Variants in TTLL5 observed in about 807,000 individuals in gnomAD.
The protein encoded by TTLL5 is tubulin tyrosine ligase like 5, also known as tubulin polyglutamylase TTLL5.
In TTLL5, 132 loss-of-function variants were observed where a neutral mutation model predicts 168.4. The ratio of observed to expected loss-of-function variants is 0.78; its 90% CI spans 0.68 to 0.91. TTLL5 has a LOEUF of 0.91. Among genes scored for constraint, TTLL5 ranks in the 40% least tolerant of loss-of-function variants. The pLI is 0.00. For synonymous variants in TTLL5, 546 were observed against 558.6 expected (o/e 0.98, Z 0.32); for missense variants, 1,545 against 1,581.5 (o/e 0.98, Z 0.39).
intron 15 of TTLL5, among the ~76,000 whole-genome samples, chr14:75,740,200 T>C (rs1446347733): frequency 1.2e-4 from 19 of 152,198 alleles, no homozygotes; most frequent in Admixed American, 1.2e-3. Context: ...ATTGCTATAG[T>C]TCCCCTTTTA....
intron 11 of TTLL5, 58 bp from the exon 12 acceptor site, chr14:75,720,538 A>G: frequency 8.1e-7 from 1 of 1,238,982 alleles, no homozygotes. Context: ...TCTGGAATCC[A>G]GTTCATAATC....
At chr14:75,787,579 T>C (rs1046896763) in intron 26 of TTLL5, among the ~76,000 whole-genome samples, 2 of 152,212 alleles carry the variant, frequency 1.3e-5, no homozygotes, top group South Asian at 4.1e-4. Flanking sequence ...CATACTTCTA[T>C]TAATTATTAA....
Position 75,902,860 on chromosome 14 carries a change from C to G in TTLL5, c.3823+636C>G, listed in dbSNP as rs568747836. On this transcript the variant is annotated intron_variant, in intron 31 of 31. Transcript: ENST00000298832. Reference sequence around the variant, plus strand: ...ACAAATATTTATTATTGAGTACCTACTCTAGAGAAAATAACATGCTGGGCA... The same window carrying G: ...ACAAATATTTATTATTGAGTACCTAGTCTAGAGAAAATAACATGCTGGGCA... Among the ~76,000 whole-genome samples, 10 of 152,304 alleles carry G rather than the reference C, an allele frequency of 6.6e-5. No individual in the cohort carries two copies. The South Asian group carries it at 8.3e-4, about 13-fold the overall frequency.
chr14:75,821,853 C>A (rs1894851213), intron 28 of TTLL5, among the ~76,000 whole-genome samples: 1 of 152,160 alleles, frequency 6.6e-6, no homozygotes, highest in Non-Finnish European at 1.5e-5. Flanking sequence ...ACAAAGTCCC[C>A]TGGTCTTTTC....
intron 31 of TTLL5, among the ~76,000 whole-genome samples, chr14:75,950,161 G>A (rs1262336565): frequency 6.6e-6 from 1 of 152,218 alleles, no homozygotes; most frequent in Non-Finnish European, 1.5e-5. Flanking sequence ...ACACATTGCG[G>A]TTAGAAGAGG....
chr14:75,694,360 A>G (rs1885676336), intron 6 of TTLL5, among the ~76,000 whole-genome samples: 1 of 151,958 alleles, frequency 6.6e-6, no homozygotes, highest in Non-Finnish European at 1.5e-5. Flanking sequence ...TTTTTTTGAG[A>G]CAGTCTTACT....
Position 75,830,613 on chromosome 14 carries a change from C to T in TTLL5, c.3326+10452C>T, listed in dbSNP as rs923059271. Among the ~76,000 whole-genome samples, 3 of 152,134 alleles carry T rather than the reference C, an allele frequency of 2.0e-5. No individual in the cohort carries two copies. The East Asian group carries it at 5.8e-4, about 29-fold the overall frequency. On this transcript the variant is annotated intron_variant, in intron 28 of 31. Coordinates refer to ENST00000298832, the MANE Select transcript of TTLL5 (RefSeq NM_015072.5). ...AAACATGAAAGATAATATTTTGGAA[C>T]ACAAATATATAAGCCTTGTATATTT... is the stretch of plus-strand genomic sequence containing the variant.
intron 31 of TTLL5, among the ~76,000 whole-genome samples, chr14:75,947,958 A>G (rs980986303): frequency 1.3e-5 from 2 of 150,076 alleles, no homozygotes; most frequent in Admixed American, 6.7e-5. Flanking sequence ...AAAAAAATCG[A>G]AATTTTAACT....
At chr14:75,804,128 A>G (rs377080655) in intron 27 of TTLL5, among the ~76,000 whole-genome samples, 3 of 152,156 alleles carry the variant, frequency 2.0e-5, no homozygotes, top group African/African-American at 7.2e-5. Context: ...ACAGATACAG[A>G]GAGGGGAGGA....
chr14:75,827,055 G>A (rs1895205048), intron 28 of TTLL5, among the ~76,000 whole-genome samples: 7 of 152,148 alleles, frequency 4.6e-5, no homozygotes, highest in Admixed American at 4.6e-4. Flanking sequence ...CTGTATTTAT[G>A]CTTTCATAAA....
At chr14:75,715,149 C>T (rs1164540840) in intron 9 of TTLL5, among the ~76,000 whole-genome samples, 1 of 152,042 alleles carries the variant, frequency 6.6e-6, no homozygotes, top group African/African-American at 2.4e-5. Flanking sequence ...CCCACTGGGC[C>T]ACTGTCCCAT....
At chr14:75,875,537 T>C (rs1046986732) in intron 29 of TTLL5, among the ~76,000 whole-genome samples, 1 of 148,944 alleles carries the variant, frequency 6.7e-6, no homozygotes, top group African/African-American at 2.5e-5. Flanking sequence ...TGAGACTCCA[T>C]CTCAAAAAAA....
At chr14:75,935,030 T>C (rs965468858) in intron 31 of TTLL5, among the ~76,000 whole-genome samples, 4 of 152,204 alleles carry the variant, frequency 2.6e-5, no homozygotes, top group Admixed American at 1.3e-4. Flanking sequence ...AAGAGAAGGA[T>C]TGGGGACTGT....
Position 75,782,719 on chromosome 14 carries a change from C to A in TTLL5, c.2602+146C>A, listed in dbSNP as rs1008538650. On this transcript the variant is annotated intron_variant, in intron 25 of 31. Coordinates refer to ENST00000298832, the MANE Select transcript of TTLL5 (RefSeq NM_015072.5). ...CTTTTTCCTTTTCCCTTAGAATTTT[C>A]TCTTATCTATTGATAAGCTATTTTC... 7 of 761,212 alleles carry A rather than the reference C, an allele frequency of 9.2e-6. No individual in the cohort carries two copies. The South Asian group carries it at 1.1e-4, about 12-fold the overall frequency. The allele number at this position is 761,212 out of a possible 1,614,324, so 47.2% of individuals were successfully genotyped here. A position where few individuals can be genotyped will look rare whatever the true frequency, so the allele number is the denominator to read the frequency against.
intron 27 of TTLL5, among the ~76,000 whole-genome samples, chr14:75,805,613 T>C (rs576951348): frequency 4.3e-4 from 65 of 152,360 alleles, no homozygotes; most frequent in Non-Finnish European, 5.1e-4. Context: ...GGTCCACATT[T>C]CCACCTGTGA....
chr14:75,894,374 A>G (rs2032550670), intron 30 of TTLL5, among the ~76,000 whole-genome samples: 1 of 152,150 alleles, frequency 6.6e-6, no homozygotes, highest in South Asian at 2.1e-4. Context: ...CAACATGGTG[A>G]ATCCCCATCT....
At chr14:75,859,597 A>C (rs368641043) in intron 28 of TTLL5, among the ~76,000 whole-genome samples, 56 of 152,332 alleles carry the variant, frequency 3.7e-4, no homozygotes, top group Non-Finnish European at 6.0e-4. Context: ...ATTATGTTTT[A>C]GCATTGAGCA....
intron 18 of TTLL5, among the ~76,000 whole-genome samples, chr14:75,756,955 T>C (rs1890301350): frequency 7.6e-6 from 1 of 130,858 alleles, no homozygotes; most frequent in African/African-American, 2.8e-5. Flanking sequence ...CTTTTTTCAA[T>C]AGAGGTTTTG....
At chr14:75,669,388 A>G in intron 2 of TTLL5, 28 bp from the exon 3 acceptor site, 1 of 1,597,334 alleles carries the variant, frequency 6.3e-7, no homozygotes, top group East Asian at 2.2e-5. Flanking sequence ...TGAGCTGTAA[A>G]TTAATGAAGG....
Sources: gnomAD v4.1 joint callset for allele counts (sites outside exome capture counted in the v4.1 genomes callset) on GRCh38, gnomAD v4.1.1 for gene constraint, MANE v1.5 for transcripts, NCBI Gene and HGNC (gene_info 2026-07-23, HGNC 2026-07-21) for gene names.